Variants in PCDHGB1 observed in about 807,000 individuals in gnomAD.
PCDHGB1 encodes protocadherin gamma-B1.
Under a neutral mutation model 56.6 loss-of-function variants are expected in PCDHGB1, and 34 were observed. The ratio of observed to expected loss-of-function variants is 0.60; its 90% CI spans 0.46 to 0.80. PCDHGB1 has a LOEUF of 0.80. Ranked by LOEUF, PCDHGB1 falls within the 30% of genes least tolerant of loss-of-function variation. The pLI is 0.00. For synonymous variants in PCDHGB1, 561 were observed against 505.9 expected (o/e 1.11, Z -1.46); for missense variants, 1,278 against 1,204.6 (o/e 1.06, Z -0.90).
chr5:141,433,703 G>T (rs1561871157), intron 1 of PCDHGB1, among the ~76,000 whole-genome samples: 1 of 152,098 alleles, frequency 6.6e-6, no homozygotes, highest in Non-Finnish European at 1.5e-5. Flanking sequence ...CGGGCGTGGT[G>T]GTGCATGTCT....
chr5:141,350,692 A>C lies in PCDHGB1; in HGVS notation c.432A>C (p.Leu144Phe). 1.2e-6 allele frequency: 2 copies of C among 1,612,684 alleles called. No individual in the cohort carries two copies. Among genetic ancestry groups the C allele is most frequent in the Non-Finnish European group, 1.7e-6 (2 of 1,178,756 alleles). Residue 144 changes from leucine (L) to phenylalanine (F), a missense_variant, in exon 1 of 4, where the codon TTA (leucine) becomes TTC (phenylalanine). By Grantham distance (22) the Leu-to-Phe change is conservative (BLOSUM62 0). Transcript: ENST00000523390. ...ACTTAGAAATTTGTGAGTCAGCCTT[A>C]CCCGGGGTAAAATTCTCTCTGGATT... ...GIDLEICESA[L>F]PGVKFSLDSA...
chr5:141,459,503 A>T (rs1346447458), intron 1 of PCDHGB1, among the ~76,000 whole-genome samples: 1 of 152,242 alleles, frequency 6.6e-6, no homozygotes, highest in Non-Finnish European at 1.5e-5. Flanking sequence ...AGTGATGTGA[A>T]CAATCATGTA....
Position 141,432,061 on chromosome 5 carries a change from G to A in PCDHGB1, c.2410-62746G>A. 1 of 1,614,130 alleles carries A rather than the reference G, an allele frequency of 6.2e-7. No homozygotes were observed. The highest frequency in any genetic ancestry group is 8.5e-7 in the Non-Finnish European group (1 of 1,180,034). ...ACCGGGGAACCCCGCCCCTATCCAC[G>A]GAAACTCATATCTCGCTGAACGTGG... On this transcript the variant is annotated intron_variant, in intron 1 of 3. Coordinates refer to ENST00000523390, the MANE Select transcript of PCDHGB1 (RefSeq NM_018922.3). The surrounding 1 kb of genome is among the most constrained non-coding windows in gnomAD (Gnocchi z 6.0).
At chr5:141,447,136 TTTTTTG>T (rs1304915683) in intron 1 of PCDHGB1, among the ~76,000 whole-genome samples, 4 of 152,090 alleles carry the variant, frequency 2.6e-5, no homozygotes, top group Admixed American at 6.6e-5. Context: ...TGTTTGTTTG[TTTTTTG>T]TTTTTGTTTT....
At chr5:141,503,332 C>T (rs536647792) in intron 2 of PCDHGB1, among the ~76,000 whole-genome samples, 5 of 152,074 alleles carry the variant, frequency 3.3e-5, no homozygotes, top group Admixed American at 6.5e-5. Context: ...CGCGGTGGCT[C>T]ACGCCTGTAA....
Position 141,352,561 on chromosome 5 carries a change from A to G in PCDHGB1, c.2301A>G (p.Thr767=). The part of the protein sequence containing the change: ...AKTEFNSLNL[T]PEMAPPQDLL... ...CAGAGTTTAATTCTCTCAACCTGACACCGGAAATGGCTCCCCCTCAGGATC... is the reference window on the plus strand; with the variant it reads ...CAGAGTTTAATTCTCTCAACCTGACGCCGGAAATGGCTCCCCCTCAGGATC... The change falls in exon 1 of 4, where the codon ACA becomes ACG. Residue 767 remains threonine, a synonymous_variant. Transcript: ENST00000523390. 6.2e-7 allele frequency: 1 copy of G among 1,613,960 alleles called. No homozygotes were observed. Among genetic ancestry groups the G allele is most frequent in the Non-Finnish European group, 8.5e-7 (1 of 1,179,886 alleles).
At chr5:141,361,105 C>G in intron 1 of PCDHGB1, 1 of 1,613,960 alleles carries the variant, frequency 6.2e-7, no homozygotes, top group South Asian at 1.1e-5. Flanking sequence ...AGCAAAAGAT[C>G]CTGGAGATCT....
chr5:141,389,942 G>C lies in PCDHGB1; in HGVS notation c.2409+37273G>C, dbSNP rs775707080. On this transcript the variant is annotated intron_variant, in intron 1 of 3. Coordinates refer to ENST00000523390, the MANE Select transcript of PCDHGB1 (RefSeq NM_018922.3). ...ACCCCTCTGACCTCCAGGCTGAGCT[G>C]CAGTTTTACCTAGTGGTGGCCTTGG... is the stretch of plus-strand genomic sequence containing the variant. The C allele has an allele frequency of 2.5e-6, 4 of 1,613,952 alleles. No individual in the cohort carries two copies. The African/African-American group carries it at 5.3e-5, about 22-fold the overall frequency.
intron 1 of PCDHGB1, chr5:141,390,545 A>G (rs62378444): frequency 2.0e-6 from 1 of 505,936 alleles, no homozygotes; most frequent in African/African-American, 1.9e-5. Context: ...CCACAAAGTG[A>G]AAGTGTTAGA....
Position 141,443,643 on chromosome 5 carries a change from A to C in PCDHGB1, c.2410-51164A>C, listed in dbSNP as rs188777289. The stretch of plus-strand genomic sequence containing the variant: ...GTGATTGTAAAAATTGATCCAGATA[A>C]TGTTAGCATAGCATTTTACTGAACT... On this transcript the variant is annotated intron_variant, in intron 1 of 3. Coordinates refer to ENST00000523390, the MANE Select transcript of PCDHGB1 (RefSeq NM_018922.3). Among the ~76,000 whole-genome samples, 238 of 152,370 alleles carry C rather than the reference A, an allele frequency of 1.6e-3. 2 individuals are homozygous for C. The highest frequency in any genetic ancestry group is 2.5e-3 in the Non-Finnish European group (169 of 68,028).
intron 1 of PCDHGB1, chr5:141,373,990 G>A: frequency 8.2e-7 from 1 of 1,221,932 alleles, no homozygotes; most frequent in East Asian, 2.8e-5. Flanking sequence ...TCTGCTTGTT[G>A]AAGGACCTTC....
intron 1 of PCDHGB1, chr5:141,362,465 C>A: frequency 6.2e-7 from 1 of 1,614,054 alleles, no homozygotes; most frequent in South Asian, 1.1e-5. Context: ...TTGGTTCCCG[C>A]GCAAGATCTC....
At chr5:141,408,623 G>C in intron 1 of PCDHGB1, 1 of 1,614,004 alleles carries the variant, frequency 6.2e-7, no homozygotes, top group Non-Finnish European at 8.5e-7. Flanking sequence ...AATACATTTA[G>C]AAATTTTCGA....
chr5:141,392,735 C>T, intron 1 of PCDHGB1: 1 of 1,428,540 alleles, frequency 7.0e-7, no homozygotes, highest in East Asian at 2.5e-5. Context: ...ATTGTCATCT[C>T]CATAGCTGCG....
In PCDHGB1 at chr5:141,477,250, C is replaced by G; in HGVS notation, c.2410-17557C>G. 6.2e-7 allele frequency: 1 copy of G among 1,614,190 alleles called. No homozygotes were observed. The highest frequency in any genetic ancestry group is 8.5e-7 in the Non-Finnish European group (1 of 1,180,040). On this transcript the variant is annotated intron_variant, in intron 1 of 3. Coordinates refer to ENST00000523390, the MANE Select transcript of PCDHGB1 (RefSeq NM_018922.3). The surrounding 1 kb of genome is among the most constrained non-coding windows in gnomAD (Gnocchi z 4.9). ...TCATCGCTTTGCTCAGTGTGACTGA[C>G]CTGGATGCTGGCGAGAACGGGCTGG...
At chr5:141,405,227 C>A (rs562247940) in intron 1 of PCDHGB1, 1 of 1,614,114 alleles carries the variant, frequency 6.2e-7, no homozygotes. Context: ...GGAGTTCTCC[C>A]TCACCGCTGA....
chr5:141,365,925 T>C (rs766503118), intron 1 of PCDHGB1: 3 of 1,614,168 alleles, frequency 1.9e-6, no homozygotes, highest in Non-Finnish European at 2.5e-6. Flanking sequence ...CAGTTGTGGG[T>C]GACAGCCAGC....
intron 1 of PCDHGB1, among the ~76,000 whole-genome samples, chr5:141,437,668 G>T (rs72790049): frequency 3.1e-4 from 47 of 151,868 alleles, no homozygotes; most frequent in Non-Finnish European, 6.0e-4. Context: ...TCGAAGAGAT[G>T]TTGATCAAAC....
rs376937850 is a variant in PCDHGB1 at position 141,491,097 on chromosome 5, C to T, written c.2410-3710C>T. The T allele has an allele frequency of 1.2e-6, 2 of 1,614,170 alleles. No homozygotes were observed. Among genetic ancestry groups the T allele is most frequent in the Non-Finnish European group, 1.7e-6 (2 of 1,180,018 alleles). On this transcript the variant is annotated intron_variant, in intron 1 of 3. Coordinates refer to ENST00000523390, the MANE Select transcript of PCDHGB1 (RefSeq NM_018922.3). The surrounding 1 kb of genome is among the most constrained non-coding windows in gnomAD (Gnocchi z 6.9). ...CACAGTCCACAGCCCCAGGACTGTT[C>T]CTCGTGTCTACACACACTGGTGAGG...
Sources: gnomAD v4.1 joint callset for allele counts (sites outside exome capture counted in the v4.1 genomes callset) on GRCh38, gnomAD v4.1.1 for gene constraint, Gnocchi (gnomAD v3.1) non-coding constraint, MANE v1.5 for transcripts, NCBI Gene and HGNC (gene_info 2026-07-23, HGNC 2026-07-21) for gene names.